Variants in CEMIP observed in about 807,000 individuals in gnomAD.
CEMIP encodes the protein cell migration inducing hyaluronidase 1.
Under a neutral mutation model 156.9 loss-of-function variants are expected in CEMIP, and 105 were observed. The observed-to-expected ratio is 0.67, with a 90% CI of 0.57 to 0.79. The LOEUF (loss-of-function observed/expected upper bound fraction) is 0.79, where lower values mean the gene tolerates loss of function less well. Among genes scored for constraint, CEMIP ranks in the 30% least tolerant of loss-of-function variants. The pLI is 0.00. For synonymous variants in CEMIP, 676 were observed against 668.4 expected (o/e 1.01, Z -0.17); for missense variants, 1,457 against 1,769.4 (o/e 0.82, Z 3.17).
intron 1 of CEMIP, among the ~76,000 whole-genome samples, chr15:80,841,709 G>T (rs1056719691): frequency 6.6e-6 from 1 of 152,148 alleles, no homozygotes; most frequent in African/African-American, 2.4e-5. Flanking sequence ...TCCCTCCAGG[G>T]GGTGTTGGCC....
chr15:80,926,823 G>GA (rs895443821), intron 19 of CEMIP, among the ~76,000 whole-genome samples: 2 of 129,634 alleles, frequency 1.5e-5, no homozygotes, highest in African/African-American at 6.5e-5. Context: ...AGCGGGTGGG[G>GA]GGGGGGGGTC....
At chr15:80,840,114 G>A (rs545417038) in intron 1 of CEMIP, among the ~76,000 whole-genome samples, 2 of 152,318 alleles carry the variant, frequency 1.3e-5, no homozygotes, top group African/African-American at 4.8e-5. Flanking sequence ...AAGTGGAAAG[G>A]GGGGTGTCTA....
chr15:80,916,516 A>C (rs11072958), intron 14 of CEMIP, among the ~76,000 whole-genome samples: 111,418 of 152,108 alleles, frequency 0.73, 44,047 homozygotes, highest in Non-Finnish European at 0.87. Flanking sequence ...ATACATAGGG[A>C]CTGAATGGCC....
chr15:80,829,988 G>GTGTGTGTGTT (rs1897121896), intron 1 of CEMIP, among the ~76,000 whole-genome samples: 1 of 135,942 alleles, frequency 7.4e-6, no homozygotes, highest in South Asian at 2.4e-4. Context: ...GTGTGTGTGT[G>GTGTGTGTGTT]TGTGTGTGTG....
intron 11 of CEMIP, 119 bp downstream of exon 11, chr15:80,895,241 T>C: frequency 7.4e-7 from 1 of 1,358,048 alleles, no homozygotes; most frequent in Non-Finnish European, 1.0e-6. Flanking sequence ...AGAGCACTTT[T>C]GTGACACGGG....
chr15:80,906,549 C>T lies in CEMIP; in HGVS notation c.1412-114C>T. ...CCTTCTGTAACATGAGACCACTGTG[C>T]ACACCAGGCATGGCGATGAGTAAGC... is the stretch of plus-strand genomic sequence containing the variant. On this transcript the variant is annotated intron_variant, in intron 12 of 29. Transcript: ENST00000394685. The surrounding 1 kb of genome is among the most constrained non-coding windows in gnomAD (Gnocchi z 4.3). The T allele has an allele frequency of 9.6e-7, 1 of 1,036,562 alleles. No individual in the cohort carries two copies. The highest frequency in any genetic ancestry group is 1.4e-6 in the Non-Finnish European group (1 of 692,688). 64.2% of individuals were successfully genotyped at this position (1,036,562 alleles called of 1,614,324 possible).
intron 10 of CEMIP, among the ~76,000 whole-genome samples, chr15:80,890,850 A>C (rs534613248): frequency 1.3e-5 from 2 of 152,306 alleles, no homozygotes; most frequent in Admixed American, 1.3e-4. Flanking sequence ...TTCTGCACTT[A>C]GCAAAGTCTG....
At chr15:80,817,602 A>AAATAATAAT (rs59356064) in intron 1 of CEMIP, among the ~76,000 whole-genome samples, 10,710 of 138,550 alleles carry the variant, frequency 0.077, 509 homozygotes, top group Admixed American at 0.1. Flanking sequence ...CCCTGTCTCA[A>AAATAATAAT]AATAATAATA....
intron 1 of CEMIP, among the ~76,000 whole-genome samples, chr15:80,838,606 C>CGCCT (rs1567064304): frequency 6.6e-6 from 1 of 152,048 alleles, no homozygotes; most frequent in Non-Finnish European, 1.5e-5. Flanking sequence ...TTGTTCTACG[C>CGCCT]GCCTCATCCA....
In CEMIP at chr15:80,926,569, G is replaced by C. The variant is rs147185594; in HGVS notation, c.2420+814G>C. 5.0e-3 allele frequency among the ~76,000 whole-genome samples: 751 copies of C among 151,552 alleles called. 7 individuals are homozygous for C. Among genetic ancestry groups the C allele is most frequent in the Non-Finnish European group, 8.2e-3 (556 of 68,000 alleles). On this transcript the variant is annotated intron_variant, in intron 19 of 29. Transcript: ENST00000394685. ...GACACAGCATTGACAGAGAGAGCAA[G>C]AGAGAGAGGGAAGGGAGAGAGAGAA...
At chr15:80,860,309 G>A (rs1428565050) in intron 1 of CEMIP, among the ~76,000 whole-genome samples, 1 of 152,210 alleles carries the variant, frequency 6.6e-6, no homozygotes, top group African/African-American at 2.4e-5. Context: ...GTCCAGGTGT[G>A]TATGGTGTGG....
chr15:80,938,062 C>T, intron 25 of CEMIP, 83 bp downstream of exon 25: 1 of 1,171,198 alleles, frequency 8.5e-7, no homozygotes, highest in East Asian at 2.5e-5. Flanking sequence ...CTAAGAACAG[C>T]CATGTAGTTA....
intron 1 of CEMIP, among the ~76,000 whole-genome samples, chr15:80,850,171 T>C (rs1177921198): frequency 6.6e-6 from 1 of 151,858 alleles, no homozygotes; most frequent in Non-Finnish European, 1.5e-5. Flanking sequence ...GAGATGCACA[T>C]AGGAGGGGTC....
intron 1 of CEMIP, among the ~76,000 whole-genome samples, chr15:80,824,620 A>C (rs1896988653): frequency 1.3e-5 from 2 of 152,126 alleles, no homozygotes; most frequent in South Asian, 4.1e-4. Flanking sequence ...CTCTATTTGG[A>C]GGGGAGGGGG....
At position 80,924,474 on chromosome 15, in the gene CEMIP, T is replaced by C. The variant is rs1286664174; in HGVS notation, c.2203-147T>C. ...AAGGCAGCATCTTCACCTCCCTTACTGTAGATCCTCTACTTCTGTTGATGC... is the reference window on the plus strand; with the variant it reads ...AAGGCAGCATCTTCACCTCCCTTACCGTAGATCCTCTACTTCTGTTGATGC... On this transcript the variant is annotated intron_variant, in intron 17 of 29. Coordinates refer to ENST00000394685, the MANE Select transcript of CEMIP (RefSeq NM_001293298.2). The C allele has an allele frequency of 1.6e-5, 12 of 738,520 alleles. No individual in the cohort carries two copies. The East Asian group carries it at 3.2e-4, about 20-fold the overall frequency. 45.7% of individuals were successfully genotyped at this position (738,520 alleles called of 1,614,324 possible). A position where few individuals can be genotyped will look rare whatever the true frequency, so the allele number is the denominator to read the frequency against.
intron 1 of CEMIP, among the ~76,000 whole-genome samples, chr15:80,842,752 G>A (rs1897456976): frequency 6.6e-6 from 1 of 152,216 alleles, no homozygotes; most frequent in Non-Finnish European, 1.5e-5. Flanking sequence ...GAGAGAGAGA[G>A]AAATCCAGGA....
intron 1 of CEMIP, among the ~76,000 whole-genome samples, chr15:80,848,953 A>ATT (rs764417438): frequency 6.9e-4 from 50 of 72,502 alleles, no homozygotes; most frequent in East Asian, 8.4e-4. Flanking sequence ...CTCTTTAGAA[A>ATT]TTTTTTTTTT....
At chr15:80,809,923 C>G (rs1896616186) in intron 1 of CEMIP, among the ~76,000 whole-genome samples, 1 of 152,200 alleles carries the variant, frequency 6.6e-6, no homozygotes, top group South Asian at 2.1e-4. Context: ...AGACTACTTT[C>G]TTCTTTTAAA....
intron 7 of CEMIP, among the ~76,000 whole-genome samples, chr15:80,885,643 T>G (rs1370747043): frequency 1.3e-5 from 2 of 152,206 alleles, no homozygotes; most frequent in Non-Finnish European, 2.9e-5. Flanking sequence ...GGTTGCACCT[T>G]CCAGGAGGTG....
Sources: allele counts gnomAD v4.1 joint callset (sites outside exome capture counted in the v4.1 genomes callset), GRCh38; gene constraint gnomAD v4.1.1; non-coding constraint Gnocchi (gnomAD v3.1); transcripts MANE v1.5; gene names NCBI Gene and HGNC (gene_info 2026-07-23, HGNC 2026-07-21).